CACNA2D3: variants seen among roughly 807,000 people sequenced by gnomAD.
The protein encoded by CACNA2D3 is voltage-dependent calcium channel subunit alpha-2/delta-3.
A neutral mutation model predicts 160.6 loss-of-function variants in CACNA2D3; 60 were observed. The observed-to-expected ratio is 0.37, with a 90% CI of 0.30 to 0.46. The LOEUF is 0.46. CACNA2D3 is among the 20% of genes least tolerant of loss of function. The pLI is 1.00. For missense variants in CACNA2D3, 1,205 were observed against 1,365.0 expected (o/e 0.88, Z 1.85); for synonymous variants, 558 against 492.9 (o/e 1.13, Z -1.75).
At chr3:54,591,586 T>TTC (rs1702861468) in intron 9 of CACNA2D3, among the ~76,000 whole-genome samples, 1 of 151,496 alleles carries the variant, frequency 6.6e-6, no homozygotes, top group African/African-American at 2.4e-5. Flanking sequence ...TTTTTTTTTT[T>TTC]TCACATCACT....
At chr3:54,390,637 A>G (rs761365326) in intron 4 of CACNA2D3, among the ~76,000 whole-genome samples, 22 of 152,168 alleles carry the variant, frequency 1.4e-4, no homozygotes, top group Non-Finnish European at 2.9e-4. Context: ...GAGACCTGTG[A>G]AAGAGAGGCC....
intron 9 of CACNA2D3, among the ~76,000 whole-genome samples, chr3:54,592,906 G>A (rs1385851878): frequency 6.6e-6 from 1 of 152,114 alleles, no homozygotes; most frequent in Non-Finnish European, 1.5e-5. Context: ...GTCAATGGAG[G>A]CACTCTGGAT....
intron 27 of CACNA2D3, among the ~76,000 whole-genome samples, chr3:54,942,589 A>G (rs1398392376): frequency 6.6e-6 from 1 of 152,144 alleles, no homozygotes; most frequent in Non-Finnish European, 1.5e-5. Flanking sequence ...AGATGTTTTA[A>G]AAAGAAAAAG....
At chr3:54,983,057 G>C (rs1388868659) in intron 29 of CACNA2D3, among the ~76,000 whole-genome samples, 1 of 152,136 alleles carries the variant, frequency 6.6e-6, no homozygotes, top group African/African-American at 2.4e-5. Context: ...TCTAAAGATG[G>C]AATTGCTCTG....
intron 4 of CACNA2D3, among the ~76,000 whole-genome samples, chr3:54,403,567 G>A (rs767113529): frequency 6.6e-6 from 1 of 151,792 alleles, no homozygotes; most frequent in Non-Finnish European, 1.5e-5. Flanking sequence ...TAAATAAGTA[G>A]CCCAACATTA....
At chr3:54,313,336 C>T (rs1458060546) in intron 2 of CACNA2D3, among the ~76,000 whole-genome samples, 1 of 152,160 alleles carries the variant, frequency 6.6e-6, no homozygotes, top group Non-Finnish European at 1.5e-5. Flanking sequence ...CCATTGCCAT[C>T]TTTCGAGTCC....
chr3:54,764,777 C>G (rs1702186778), intron 13 of CACNA2D3, among the ~76,000 whole-genome samples: 1 of 152,144 alleles, frequency 6.6e-6, no homozygotes, highest in Non-Finnish European at 1.5e-5. Flanking sequence ...TTGGGGCCAC[C>G]ATGGAGGCTA....
intron 13 of CACNA2D3, among the ~76,000 whole-genome samples, chr3:54,792,531 C>T (rs899552357): frequency 3.3e-5 from 5 of 152,158 alleles, no homozygotes; most frequent in African/African-American, 4.8e-5. Flanking sequence ...CAAATGCTGT[C>T]AGGAATCTGC....
chr3:54,829,885 C>CTTTTTTTTTTTTTTTT (rs58291013), intron 14 of CACNA2D3, among the ~76,000 whole-genome samples: 2 of 64,308 alleles, frequency 3.1e-5, no homozygotes, highest in Non-Finnish European at 5.6e-5. Context: ...TCTTCTTCAT[C>CTTTTTTTTTTTTTTTT]TTTTTTTTTT....
At chr3:54,219,721 G>A (rs1701529764) in intron 2 of CACNA2D3, among the ~76,000 whole-genome samples, 1 of 151,922 alleles carries the variant, frequency 6.6e-6, no homozygotes, top group Non-Finnish European at 1.5e-5. Flanking sequence ...AGGACCTTCC[G>A]GATCCCTCTC....
chr3:54,635,983 T>C (rs1287554724), intron 10 of CACNA2D3, among the ~76,000 whole-genome samples: 1 of 151,958 alleles, frequency 6.6e-6, no homozygotes, highest in East Asian at 1.9e-4. Flanking sequence ...GACTCGGGCA[T>C]GTTAAGTAAA....
intron 2 of CACNA2D3, among the ~76,000 whole-genome samples, chr3:54,171,135 A>AATTTTTTTTTTTTTTT (rs1700557445): frequency 5.3e-5 from 1 of 18,756 alleles, no homozygotes; most frequent in Non-Finnish European, 1.1e-4. Context: ...AAAGATGATG[A>AATTTTTTTTTTTTTTT]CTTTTTTTTT....
intron 10 of CACNA2D3, among the ~76,000 whole-genome samples, chr3:54,634,849 A>G (rs890353872): frequency 1.3e-5 from 2 of 152,122 alleles, no homozygotes; most frequent in Non-Finnish European, 2.9e-5. Context: ...TTCTTTTGTG[A>G]TTCTTTAGTT....
intron 25 of CACNA2D3, among the ~76,000 whole-genome samples, chr3:54,892,483 A>T (rs901064814): frequency 6.6e-6 from 1 of 152,142 alleles, no homozygotes; most frequent in Admixed American, 6.5e-5. Flanking sequence ...AGATCAATCA[A>T]TGTTTAGGTA....
At chr3:54,676,022 G>A (rs1700237168) in intron 11 of CACNA2D3, among the ~76,000 whole-genome samples, 2 of 152,130 alleles carry the variant, frequency 1.3e-5, no homozygotes, top group African/African-American at 2.4e-5. Context: ...AAACATGCTT[G>A]TGTAAGTGCT....
intron 2 of CACNA2D3, among the ~76,000 whole-genome samples, chr3:54,160,118 A>G (rs2107295679): frequency 6.6e-6 from 1 of 152,314 alleles, no homozygotes; most frequent in Middle Eastern, 3.4e-3. Context: ...CTCTTCTGGC[A>G]GTGGTTTTCC....
chr3:54,526,041 A>G (rs897094557), intron 5 of CACNA2D3, among the ~76,000 whole-genome samples: 2 of 151,472 alleles, frequency 1.3e-5, no homozygotes, highest in African/African-American at 2.4e-5. Context: ...TTAATTGCAT[A>G]ATCTCTATTA....
intron 3 of CACNA2D3, among the ~76,000 whole-genome samples, chr3:54,333,635 G>A (rs535490537): frequency 1.3e-5 from 2 of 151,390 alleles, no homozygotes; most frequent in East Asian, 3.9e-4. Context: ...GCAGCACTCA[G>A]GGGGAGGGAG....
chr3:54,475,720 A>G (rs1440278266), intron 4 of CACNA2D3, among the ~76,000 whole-genome samples: 5 of 152,076 alleles, frequency 3.3e-5, no homozygotes, highest in Non-Finnish European at 7.4e-5. Flanking sequence ...AAACAAATAA[A>G]CATTGTATAT....
Sources: gnomAD v4.1 joint callset for allele counts (sites outside exome capture counted in the v4.1 genomes callset) on GRCh38, gnomAD v4.1.1 for gene constraint, MANE v1.5 for transcripts, NCBI Gene and HGNC (gene_info 2026-07-23, HGNC 2026-07-21) for gene names.